COL19A1: variants seen among roughly 807,000 people sequenced by gnomAD.
The protein encoded by COL19A1 is collagen type XIX alpha 1 chain, also known as collagen alpha-1(XIX) chain.
Under a neutral mutation model 190.2 loss-of-function variants are expected in COL19A1, and 159 were observed. The observed-to-expected ratio is 0.84, with a 90% CI of 0.73 to 0.95. The LOEUF (loss-of-function observed/expected upper bound fraction) is 0.95, where lower values mean the gene tolerates loss of function less well. Ranked by LOEUF, COL19A1 falls within the 40% of genes least tolerant of loss-of-function variation. The pLI is 0.00. For synonymous variants in COL19A1, 509 were observed against 458.9 expected, an observed-to-expected ratio of 1.11 and a Z score of -1.39; for missense variants, 1,418 against 1,431.9, an observed-to-expected ratio of 0.99 and a Z score of 0.16.
chr6:70,199,687 A>G lies in COL19A1; in HGVS notation c.3174A>G (p.Pro1058=), dbSNP rs1767429448. The change falls in exon 49 of 51, where the codon CCA becomes CCG. Residue 1058 remains proline, a synonymous_variant. Coordinates refer to ENST00000620364, the MANE Select transcript of COL19A1 (RefSeq NM_001858.6). ...CCCAAGCTTATGGGAGACCTGGGCC[A>G]CCAGGGAAGGATGGGTTGCCTGGGC... ...LAAQAYGRPG[P]PGKDGLPGPP... is the part of the protein sequence containing the mutation. 1 of 1,610,934 alleles carries G rather than the reference A, an allele frequency of 6.2e-7. No individual in the cohort carries two copies. The highest frequency in any genetic ancestry group is 8.5e-7 in the Non-Finnish European group (1 of 1,178,122).
chr6:70,076,195 T>C (rs1781873616), intron 15 of COL19A1, among the ~76,000 whole-genome samples: 1 of 152,142 alleles, frequency 6.6e-6, no homozygotes, highest in Non-Finnish European at 1.5e-5. Context: ...GGTACTATAG[T>C]ATCATTCCAG....
At chr6:70,016,820 A>T (rs542727138) in intron 11 of COL19A1, among the ~76,000 whole-genome samples, 2 of 152,110 alleles carry the variant, frequency 1.3e-5, no homozygotes, top group Non-Finnish European at 2.9e-5. Flanking sequence ...ACAATGAAAT[A>T]CTATACATCC....
chr6:69,966,185 C>A (rs866871204), intron 11 of COL19A1, among the ~76,000 whole-genome samples: 6 of 151,988 alleles, frequency 3.9e-5, no homozygotes, highest in Non-Finnish European at 8.8e-5. Context: ...CTGCCCCGTG[C>A]GGGAGGTGGG....
chr6:70,037,060 CT>C (rs1370327729), intron 14 of COL19A1, among the ~76,000 whole-genome samples: 2 of 152,064 alleles, frequency 1.3e-5, no homozygotes, highest in African/African-American at 4.8e-5. Flanking sequence ...GAAGTTTATG[CT>C]TTAAGCTTTT....
In COL19A1 at chr6:70,004,518, G is replaced by A. The variant is rs114252748; in HGVS notation, c.1027-19109G>A. 8.2e-3 allele frequency among the ~76,000 whole-genome samples: 1,255 copies of A among 152,154 alleles called. 21 individuals carry two copies. The highest frequency in any genetic ancestry group is 0.028 in the African/African-American group (1,174 of 41,510). ...TCATCTTCAGGTACTCCAATCAATC[G>A]TAGTTTGGTCTTTTTTACAAAGTCC... is the stretch of plus-strand genomic sequence containing the variant. On this transcript the variant is annotated intron_variant, in intron 11 of 50. Transcript: ENST00000620364.
At chr6:70,156,597 G>A in intron 33 of COL19A1, 73 bp from the exon 34 acceptor site, 1 of 1,512,632 alleles carries the variant, frequency 6.6e-7, no homozygotes, top group Non-Finnish European at 9.1e-7. Context: ...AGTGTTCTTA[G>A]AAGAGATTTT....
At chr6:70,101,553 G>A (rs2150187298) in intron 15 of COL19A1, among the ~76,000 whole-genome samples, 1 of 152,156 alleles carries the variant, frequency 6.6e-6, no homozygotes, top group Admixed American at 6.5e-5. Context: ...ACCATCTAAA[G>A]GGAAGAAAAG....
chr6:69,907,673 T>C (rs1194992294), intron 4 of COL19A1, among the ~76,000 whole-genome samples: 9 of 152,250 alleles, frequency 5.9e-5, no homozygotes, highest in Non-Finnish European at 1.5e-5. Context: ...ACTTAAAACT[T>C]GTGCAGTTAC....
chr6:69,992,516 T>C (rs767354083), intron 11 of COL19A1, among the ~76,000 whole-genome samples: 7 of 152,122 alleles, frequency 4.6e-5, no homozygotes, highest in Non-Finnish European at 7.4e-5. Context: ...TTGATAGAAA[T>C]AGCATTGAAT....
chr6:69,916,467 C>T (rs1314596151), intron 4 of COL19A1, among the ~76,000 whole-genome samples: 2 of 152,038 alleles, frequency 1.3e-5, no homozygotes, highest in African/African-American at 2.4e-5. Flanking sequence ...CTATCTTTTC[C>T]AAAATCCAAT....
intron 19 of COL19A1, among the ~76,000 whole-genome samples, chr6:70,140,176 G>T (rs1272008784): frequency 6.6e-6 from 1 of 151,948 alleles, no homozygotes. Context: ...ACTCTCAGAG[G>T]ATACCAAAAT....
chr6:70,130,917 A>C (rs942012221), intron 18 of COL19A1: 2 of 201,076 alleles, frequency 9.9e-6, no homozygotes, highest in African/African-American at 4.8e-5. Context: ...AATTACCAAA[A>C]CATAAGCTGC....
intron 14 of COL19A1, among the ~76,000 whole-genome samples, chr6:70,046,395 CA>C (rs1562117234): frequency 6.6e-6 from 1 of 152,184 alleles, no homozygotes; most frequent in African/African-American, 2.4e-5. Context: ...AAATTCCATA[CA>C]ATGGCCTACA....
At chr6:69,895,974 T>C (rs1769704167) in intron 2 of COL19A1, among the ~76,000 whole-genome samples, 1 of 152,226 alleles carries the variant, frequency 6.6e-6, no homozygotes, top group Non-Finnish European at 1.5e-5. Flanking sequence ...TTTTTGGTAC[T>C]CCTTTCTCCT....
At chr6:70,122,456 G>T (rs1367062544) in intron 17 of COL19A1, among the ~76,000 whole-genome samples, 1 of 152,062 alleles carries the variant, frequency 6.6e-6, no homozygotes, top group Non-Finnish European at 1.5e-5. Flanking sequence ...TGCTGACGTG[G>T]AAGTATCCAA....
chr6:70,118,704 A>G (rs544439611), intron 16 of COL19A1, among the ~76,000 whole-genome samples: 108 of 152,360 alleles, frequency 7.1e-4, no homozygotes, highest in African/African-American at 2.5e-3. Context: ...AAAGCAGAAC[A>G]TATGAAAATG....
chr6:69,978,992 A>G (rs939729185), intron 11 of COL19A1, among the ~76,000 whole-genome samples: 9 of 152,026 alleles, frequency 5.9e-5, no homozygotes, highest in East Asian at 3.9e-4. Flanking sequence ...GAGAAAATGG[A>G]TGATTTCCTC....
In COL19A1 at chr6:70,184,749, T is replaced by TATG; in HGVS notation, c.2811+14_2811+16dup. On this transcript the variant is annotated intron_variant, in intron 45 of 50. Coordinates refer to ENST00000620364, the MANE Select transcript of COL19A1 (RefSeq NM_001858.6). ...ATACCAGGTGCTCAGGTATGGGAAA[T>TATG]ATGATTTAAAATAAAAGTTATAATG... is the stretch of plus-strand genomic sequence containing the variant. 6.2e-7 allele frequency: 1 copy of TATG among 1,603,256 alleles called. No individual in the cohort carries two copies.
At chr6:69,899,166 T>TA in intron 3 of COL19A1, 144 bp downstream of exon 3, 4 of 136,974 alleles carry the variant, frequency 2.9e-5, no homozygotes, top group Admixed American at 8.1e-5. Flanking sequence ...TTCTTTTTAA[T>TA]TTTTTTTTTT....
Sources: allele counts gnomAD v4.1 joint callset (sites outside exome capture counted in the v4.1 genomes callset), GRCh38; gene constraint gnomAD v4.1.1; transcripts MANE v1.5; gene names NCBI Gene and HGNC (gene_info 2026-07-23, HGNC 2026-07-21).